CIITA: variants seen among roughly 807,000 people sequenced by gnomAD.
CIITA encodes the protein class II major histocompatibility complex transactivator.
Under a neutral mutation model 115.1 loss-of-function variants are expected in CIITA, and 72 were observed. That is an observed-to-expected ratio of 0.63 (90% CI 0.52 to 0.76). The LOEUF (loss-of-function observed/expected upper bound fraction) is 0.76, where lower values mean the gene tolerates loss of function less well. Ranked by LOEUF, CIITA falls within the 30% of genes least tolerant of loss-of-function variation. CIITA has a pLI of 0.00. For missense variants in CIITA, 1,617 were observed against 1,463.8 expected, an observed-to-expected ratio of 1.10 and a Z score of -1.71; for synonymous variants, 763 against 635.6, an observed-to-expected ratio of 1.20 and a Z score of -3.02.
intron 1 of CIITA, among the ~76,000 whole-genome samples, chr16:10,893,804 TAAAAAAAAAAAAAAAAA>T (rs71136603): frequency 1.6e-4 from 5 of 32,178 alleles, no homozygotes; most frequent in Non-Finnish European, 2.8e-4. Flanking sequence ...GACTCCGTCT[TAAAAAAAAAAAAAAAAA>T]AAAAAAAAAA....
intron 9 of CIITA, 110 bp downstream of exon 9, chr16:10,904,005 T>A (rs2038963733): frequency 6.9e-7 from 1 of 1,448,758 alleles, no homozygotes; most frequent in Non-Finnish European, 9.6e-7. Flanking sequence ...GGACAACAGG[T>A]CATGTTTAGG....
At chr16:10,902,889 C>T in intron 8 of CIITA, 88 bp downstream of exon 8, 2 of 1,491,270 alleles carry the variant, frequency 1.3e-6, no homozygotes, top group Non-Finnish European at 1.9e-6. Context: ...ATGCACTTGG[C>T]AGTGGTGCCC....
chr16:10,919,783 G>A (rs1567445864), intron 16 of CIITA, among the ~76,000 whole-genome samples: 1 of 152,142 alleles, frequency 6.6e-6, no homozygotes, highest in African/African-American at 2.4e-5. Flanking sequence ...TCATAATTGT[G>A]CTAAAAACTA....
chr16:10,875,101 A>G (rs2035742659), upstream of CIITA, among the ~76,000 whole-genome samples: 1 of 151,728 alleles, frequency 6.6e-6, no homozygotes, highest in South Asian at 2.1e-4. Flanking sequence ...CCCGAGTAGC[A>G]CACGCACCAT....
At chr16:10,888,215 A>G (rs2037156897) in intron 1 of CIITA, 1 of 152,244 alleles carries the variant, frequency 6.6e-6, no homozygotes, top group Non-Finnish European at 1.5e-5. Context: ...TAAGGGCTCC[A>G]TGCAACTTAA....
rs2040893666 is a variant in CIITA, at chr16:10,933,632, G to C, written c.*9777G>C. On this transcript the variant is annotated 3_prime_UTR_variant, in exon 20 of 20. Coordinates refer to ENST00000324288, the MANE Select transcript of CIITA (RefSeq NM_000246.4). ...CCAGCACACACGAGACATCAGTACA[G>C]GGTGGTTCCTTCCCTCCTTAGCCCC... 6.6e-6 allele frequency: 1 copy of C among 152,304 alleles called. No homozygotes were observed. The highest frequency in any genetic ancestry group is 2.1e-4 in the South Asian group (1 of 4,828). 9.4% of individuals were successfully genotyped at this position (152,304 alleles called of 1,614,324 possible).
chr16:10,866,758 C>T (rs1296736686), intron 1 of CIITA, among the ~76,000 whole-genome samples: 2 of 152,170 alleles, frequency 1.3e-5, no homozygotes, highest in Non-Finnish European at 2.9e-5. Context: ...CTGGAGCGAA[C>T]GGCGTGCTTC....
At chr16:10,908,289 AGAT>A in intron 11 of CIITA, 140 bp downstream of exon 11, 1 of 1,033,540 alleles carries the variant, frequency 9.7e-7, no homozygotes, top group Non-Finnish European at 1.5e-6. Flanking sequence ...TCCATTTTTA[AGAT>A]GAGGATGTTG....
chr16:10,882,905 AT>A (rs1414907943), intron 1 of CIITA, among the ~76,000 whole-genome samples: 2 of 152,216 alleles, frequency 1.3e-5, no homozygotes, highest in East Asian at 1.9e-4. Context: ...CTCAAAAAAA[AT>A]GAAAGAAAAT....
chr16:10,902,624 CA>C, intron 7 of CIITA, 33 bp from the exon 8 acceptor site: 1 of 1,613,838 alleles, frequency 6.2e-7, no homozygotes. Context: ...AGGTGCTATG[CA>C]AGATCCCACC....
At chr16:10,937,822 T>G (rs2041050221), downstream of CIITA, 1 of 152,052 alleles carries the variant, frequency 6.6e-6, no homozygotes, top group South Asian at 2.1e-4. The surrounding 1 kb of genome is among the most constrained non-coding windows in gnomAD (Gnocchi z 4.2). Flanking sequence ...ATTAACACTC[T>G]AGGAAAACCA....
At chr16:10,888,669 A>C (rs1359195901) in intron 1 of CIITA, 2 of 152,266 alleles carry the variant, frequency 1.3e-5, no homozygotes, top group Non-Finnish European at 2.9e-5. Flanking sequence ...TGGATGTGGA[A>C]GGTGGTGGCC....
intron 16 of CIITA, among the ~76,000 whole-genome samples, chr16:10,921,467 A>G (rs79235251): frequency 0.011 from 1,717 of 152,336 alleles, 43 homozygotes; most frequent in African/African-American, 0.04. Flanking sequence ...TGATGTAGTC[A>G]GAACCATAGC....
At chr16:10,894,062 G>A (rs763521511) in intron 1 of CIITA, among the ~76,000 whole-genome samples, 1 of 152,018 alleles carries the variant, frequency 6.6e-6, no homozygotes, top group African/African-American at 2.4e-5. Context: ...ATGTTGCCCA[G>A]GCTGGTCTTG....
chr16:10,901,811 G>A lies in CIITA; in HGVS notation c.482-227G>A. The A allele has an allele frequency of 1.4e-6, 1 of 701,024 alleles. No individual in the cohort carries two copies. Among genetic ancestry groups the A allele is most frequent in the Non-Finnish European group, 2.4e-6 (1 of 412,050 alleles). The allele number at this position is 701,024 out of a possible 1,614,324, so 43.4% of individuals were successfully genotyped here. On this transcript the variant is annotated intron_variant, in intron 6 of 19. Transcript: ENST00000324288. This position sits in a 1 kb window ranked among gnomAD's most constrained non-coding sequence, Gnocchi z 6.8. The stretch of plus-strand genomic sequence containing the variant: ...ATTCTGCCCCAGCTCTCCGTGTGGA[G>A]GCCCTAGGGTCCTGCTCAGCATAGC...
At chr16:10,887,175 C>T (rs1166047366) in intron 1 of CIITA, among the ~76,000 whole-genome samples, 4 of 152,116 alleles carry the variant, frequency 2.6e-5, no homozygotes, top group African/African-American at 9.7e-5. Flanking sequence ...ATTCCTAGGC[C>T]CCTGGCTTCC....
At chr16:10,921,276 C>T (rs1300980720) in intron 16 of CIITA, among the ~76,000 whole-genome samples, 3 of 152,192 alleles carry the variant, frequency 2.0e-5, no homozygotes, top group East Asian at 1.9e-4. Flanking sequence ...TGCTTGGTGT[C>T]GAGTAAACAG....
chr16:10,913,180 T>C (rs1367915255), intron 13 of CIITA, among the ~76,000 whole-genome samples: 1 of 152,274 alleles, frequency 6.6e-6, no homozygotes, highest in East Asian at 1.9e-4. Flanking sequence ...TCCCCAGATA[T>C]CTGCATGGCT....
At chr16:10,886,432 T>G (rs57890687) in intron 1 of CIITA, among the ~76,000 whole-genome samples, 5,934 of 152,288 alleles carry the variant, frequency 0.039, 385 homozygotes, top group African/African-American at 0.13. Flanking sequence ...AACACAGCAG[T>G]AACCATCCTC....
Sources: gnomAD v4.1 joint callset for allele counts (sites outside exome capture counted in the v4.1 genomes callset) on GRCh38, gnomAD v4.1.1 for gene constraint, Gnocchi (gnomAD v3.1) non-coding constraint, MANE v1.5 for transcripts, NCBI Gene and HGNC (gene_info 2026-07-23, HGNC 2026-07-21) for gene names.